Variants in EFCAB11 observed in about 807,000 individuals in gnomAD.
The protein encoded by EFCAB11 is EF-hand calcium-binding domain-containing protein 11.
In EFCAB11, 14 loss-of-function variants were observed where a neutral mutation model predicts 23.0. The observed-to-expected ratio is 0.61, with a 90% CI of 0.40 to 0.95. EFCAB11 has a LOEUF of 0.95. EFCAB11 is among the 40% of genes least tolerant of loss of function. The pLI, the probability that EFCAB11 is intolerant of heterozygous loss-of-function variation, is 0.00. For missense variants in EFCAB11, 198 were observed against 195.8 expected (o/e 1.01, Z -0.07); for synonymous variants, 65 against 66.6 (o/e 0.98, Z 0.11).
intron 5 of EFCAB11, among the ~76,000 whole-genome samples, chr14:89,901,499 C>T (rs1359412032): frequency 2.0e-5 from 3 of 152,154 alleles, no homozygotes; most frequent in Non-Finnish European, 4.4e-5. Context: ...TTGGGCCCAG[C>T]ACGCACCAAG....
At chr14:89,954,462 C>T in intron 1 of EFCAB11, 124 bp downstream of exon 1, 1 of 1,539,196 alleles carries the variant, frequency 6.5e-7, no homozygotes, top group East Asian at 2.4e-5. Context: ...TAACCACGAC[C>T]CTTTGGACAG....
At chr14:89,797,593 C>G (rs895683258) in intron 5 of EFCAB11, among the ~76,000 whole-genome samples, 4 of 152,012 alleles carry the variant, frequency 2.6e-5, no homozygotes, top group African/African-American at 9.7e-5. Flanking sequence ...AAAAAAGAAA[C>G]GGCTCTTTCT....
intron 5 of EFCAB11, chr14:89,837,153 A>T (rs1347877773): frequency 2.2e-6 from 1 of 455,388 alleles, no homozygotes; most frequent in Admixed American, 2.3e-5. Context: ...CCTCTGCAAC[A>T]TACAGAAATA....
Position 89,794,970 on chromosome 14 carries a change from T to A in EFCAB11, c.*2273A>T, listed in dbSNP as rs1295629750. 1 of 29,560 alleles carries A rather than the reference T, an allele frequency of 3.4e-5. No individual in the cohort carries two copies. Among genetic ancestry groups the A allele is most frequent in the African/African-American group, 2.0e-4 (1 of 5,032 alleles). 1.8% of individuals were successfully genotyped at this position (29,560 alleles called of 1,614,324 possible). ...CTTGATTTGTTTCTACTTAATGTCT[T>A]TTTTTTTTTTTTTTTTTTTTTTTTT... On this transcript the variant is annotated 3_prime_UTR_variant, in exon 6 of 6. Transcript: ENST00000316738.
chr14:89,881,151 G>A (rs966395390), intron 5 of EFCAB11, among the ~76,000 whole-genome samples: 4 of 151,574 alleles, frequency 2.6e-5, no homozygotes, highest in South Asian at 4.2e-4. Flanking sequence ...GTGATTATAT[G>A]GTTGTTATCA....
intron 5 of EFCAB11, among the ~76,000 whole-genome samples, chr14:89,837,861 G>A (rs1033656934): frequency 6.6e-6 from 1 of 152,064 alleles, no homozygotes; most frequent in Admixed American, 6.6e-5. Context: ...AGCTGTGGGG[G>A]TGATATCAGT....
chr14:89,904,578 T>C (rs1197784227), intron 5 of EFCAB11, among the ~76,000 whole-genome samples: 1 of 152,272 alleles, frequency 6.6e-6, no homozygotes, highest in African/African-American at 2.4e-5. Context: ...TTGAACTAAT[T>C]TACACTCCCA....
chr14:89,924,678 C>G (rs1037560891), intron 5 of EFCAB11: 1 of 1,535,516 alleles, frequency 6.5e-7, no homozygotes. Flanking sequence ...GAAAATGCCT[C>G]TGAAATAAAG....
chr14:89,857,826 C>T (rs996771671), intron 5 of EFCAB11, among the ~76,000 whole-genome samples: 10 of 152,174 alleles, frequency 6.6e-5, no homozygotes, highest in African/African-American at 2.4e-4. Flanking sequence ...TCTTTTTATT[C>T]TAATACTTCA....
chr14:89,874,693 C>A (rs200926200), intron 5 of EFCAB11, among the ~76,000 whole-genome samples: 2 of 151,978 alleles, frequency 1.3e-5, no homozygotes, highest in South Asian at 4.2e-4. Flanking sequence ...GTCAGGAGAT[C>A]GAGACTATCC....
intron 5 of EFCAB11, among the ~76,000 whole-genome samples, chr14:89,898,268 T>G (rs1042196030): frequency 1.3e-5 from 2 of 152,192 alleles, no homozygotes; most frequent in Non-Finnish European, 2.9e-5. Context: ...TGAGGCTCTT[T>G]TTATGGTGAA....
chr14:89,806,486 C>G (rs1310241790), intron 5 of EFCAB11, among the ~76,000 whole-genome samples: 1 of 152,104 alleles, frequency 6.6e-6, no homozygotes, highest in Non-Finnish European at 1.5e-5. Context: ...AAGAAAACAG[C>G]ACAGATCAGA....
chr14:89,841,627 G>A (rs1352640698), intron 5 of EFCAB11, among the ~76,000 whole-genome samples: 2 of 151,252 alleles, frequency 1.3e-5, no homozygotes, highest in Non-Finnish European at 2.9e-5. Flanking sequence ...TGCTGACCCC[G>A]CCCCCTCCTT....
intron 5 of EFCAB11, among the ~76,000 whole-genome samples, chr14:89,817,069 G>C (rs1488437473): frequency 6.6e-6 from 1 of 151,828 alleles, no homozygotes; most frequent in East Asian, 1.9e-4. Context: ...ATGAAAATAG[G>C]CAATACTTCA....
At position 89,931,555 on chromosome 14, in the gene EFCAB11, A is replaced by C. The variant is rs776966227; in HGVS notation, c.396T>G (p.Val132=). The C allele has an allele frequency of 6.2e-7, 1 of 1,614,106 alleles. No individual in the cohort carries two copies. Among genetic ancestry groups the C allele is most frequent in the Non-Finnish European group, 8.5e-7 (1 of 1,179,986 alleles). Reference sequence around the variant, plus strand: ...TGATGCCTTACCTGAATACCTCAAGAACAGTCCTTTCCGGTAATTTGGGAG... The same window carrying C: ...TGATGCCTTACCTGAATACCTCAAGCACAGTCCTTTCCGGTAATTTGGGAG... ...QVAPKLPERT[V]LEVFREVDRD... Residue 132 remains valine, a synonymous_variant, in exon 5 of 6, where the codon GTT becomes GTG. Transcript: ENST00000316738.
At chr14:89,951,362 A>G (rs139354340) in intron 2 of EFCAB11, among the ~76,000 whole-genome samples, 1 of 152,256 alleles carries the variant, frequency 6.6e-6, no homozygotes, top group Non-Finnish European at 1.5e-5. Context: ...GTTCCTAGAT[A>G]CTTATCAGAG....
intron 5 of EFCAB11, among the ~76,000 whole-genome samples, chr14:89,840,032 C>T: frequency 6.6e-6 from 1 of 152,208 alleles, no homozygotes; most frequent in East Asian, 1.9e-4. Flanking sequence ...CAAAAGGCAA[C>T]AAAATGAAGT....
At chr14:89,851,737 C>T (rs1437980212) in intron 5 of EFCAB11, among the ~76,000 whole-genome samples, 1 of 152,180 alleles carries the variant, frequency 6.6e-6, no homozygotes, top group African/African-American at 2.4e-5. Context: ...GAAATTTAGA[C>T]GTCCTGGAGA....
Position 89,905,565 on chromosome 14 carries a change from G to A in EFCAB11, c.410+25976C>T, listed in dbSNP as rs1172037676. Among the ~76,000 whole-genome samples, 3 of 152,178 alleles carry A rather than the reference G, an allele frequency of 2.0e-5. 1 individual carries two copies. Among genetic ancestry groups the A allele is most frequent in the South Asian group, 4.1e-4 (2 of 4,828 alleles). On this transcript the variant is annotated intron_variant, in intron 5 of 5. Transcript: ENST00000316738. ...CAGTCTCATGCTGAGGAAGGGACAG[G>A]GCTCACGGACCAGGGAACAGGGGAG...
Sources: gnomAD v4.1 joint callset for allele counts (sites outside exome capture counted in the v4.1 genomes callset) on GRCh38, gnomAD v4.1.1 for gene constraint, MANE v1.5 for transcripts, NCBI Gene and HGNC (gene_info 2026-07-23, HGNC 2026-07-21) for gene names.